The following BIRC6 variants were observed in gnomAD, a reference collection of about 807,000 sequenced individuals.
BIRC6 encodes dual E2 ubiquitin-conjugating enzyme/E3 ubiquitin-protein ligase BIRC6.
Under a neutral mutation model 503.3 loss-of-function variants are expected in BIRC6, and 98 were observed. The observed-to-expected ratio is 0.19, with a 90% CI of 0.17 to 0.23. The LOEUF (loss-of-function observed/expected upper bound fraction) is 0.23, where lower values mean the gene tolerates loss of function less well. Ranked by LOEUF, BIRC6 falls within the 10% of genes least tolerant of loss-of-function variation. BIRC6 has a pLI of 1.00. For missense variants in BIRC6, 5,360 were observed against 5,806.0 expected (o/e 0.92, Z 2.50); for synonymous variants, 2,240 against 2,078.7 (o/e 1.08, Z -2.11).
Position 32,515,464 on chromosome 2 carries a change from C to G in BIRC6, c.11043C>G (p.Asp3681Glu). ...GTAATAAGATGCCTATCACAGCCGA[C>G]CTAGTTGCTCCTATTCTTAGGTTTT... ...QQCNKMPITA[D>E]LVAPILRFLT... The change falls in exon 55 of 74, where the codon GAC becomes GAG. Residue 3681 changes from aspartate (D) to glutamate (E), a missense_variant. By Grantham distance (45) the Asp-to-Glu change is conservative. This residue lies in a region of BIRC6 where 878 missense variants were observed against 928.9 expected (regional missense o/e 0.95). Coordinates refer to ENST00000421745, the MANE Select transcript of BIRC6 (RefSeq NM_016252.4). The G allele has an allele frequency of 6.2e-7, 1 of 1,613,556 alleles. No homozygotes were observed.
At chr2:32,479,142 TTCA>T (rs1443861429) in intron 36 of BIRC6, among the ~76,000 whole-genome samples, 1 of 152,240 alleles carries the variant, frequency 6.6e-6, no homozygotes, top group Non-Finnish European at 1.5e-5. Flanking sequence ...CCTCATTTTC[TTCA>T]TATATAACAT....
At chr2:32,510,949 G>A (rs1182149017) in intron 53 of BIRC6, among the ~76,000 whole-genome samples, 2 of 152,120 alleles carry the variant, frequency 1.3e-5, no homozygotes, top group Admixed American at 6.5e-5. Flanking sequence ...TAAAGTGATG[G>A]TATCAGAGTC....
intron 4 of BIRC6, among the ~76,000 whole-genome samples, chr2:32,390,338 T>G (rs1447768195): frequency 1.3e-5 from 2 of 152,026 alleles, no homozygotes; most frequent in African/African-American, 2.4e-5. Flanking sequence ...GCCCAGCTAA[T>G]TTTTTGTATT....
In BIRC6 at chr2:32,413,483, AATTTTTTG is replaced by A. The variant is rs2042107933; in HGVS notation, c.1478-1285_1478-1278del. On this transcript the variant is annotated intron_variant, in intron 9 of 73. Coordinates refer to ENST00000421745, the MANE Select transcript of BIRC6 (RefSeq NM_016252.4). ...GCATGAGCCATCGCGCCCAGCCTCT[AATTTTTTG>A]TATTTTTAGTAGAGGCGGGGTTTTG... Among the ~76,000 whole-genome samples the A allele has an allele frequency of 4.6e-5, 7 of 151,762 alleles. No individual in the cohort carries two copies. In the South Asian group the frequency reaches 1.5e-3, roughly 32 times the overall value.
At chr2:32,592,642 C>G (rs2061455154) in intron 66 of BIRC6, among the ~76,000 whole-genome samples, 1 of 151,394 alleles carries the variant, frequency 6.6e-6, no homozygotes, top group African/African-American at 2.4e-5. Flanking sequence ...GTTGCCCAGG[C>G]TGGAGTGTAA....
At chr2:32,583,726 G>T (rs367778392) in intron 66 of BIRC6, among the ~76,000 whole-genome samples, 2 of 152,062 alleles carry the variant, frequency 1.3e-5, no homozygotes, top group South Asian at 2.1e-4. Flanking sequence ...ATGCTAAAAC[G>T]TATTGTAATT....
Position 32,454,510 on chromosome 2 carries a change from G to A in BIRC6, c.4753+568G>A, listed in dbSNP as rs536146708. On this transcript the variant is annotated intron_variant, in intron 23 of 73. Transcript: ENST00000421745. ...TTTTTCCTTCTCACGTAGGAAGATC[G>A]GTATTTATTTACAGTTACTTCTATT... Among the ~76,000 whole-genome samples, 8 of 151,454 alleles carry A rather than the reference G, an allele frequency of 5.3e-5. No individual in the cohort carries two copies. In the East Asian group the frequency reaches 1.4e-3, roughly 26 times the overall value.
In BIRC6 at chr2:32,435,240, C is replaced by T. The variant is rs142989836; in HGVS notation, c.3410-256C>T. Among the ~76,000 whole-genome samples, 568 of 152,158 alleles carry T rather than the reference C, an allele frequency of 3.7e-3. 4 individuals carry two copies. Among genetic ancestry groups the T allele is most frequent in the Middle Eastern group, 0.017 (5 of 292 alleles). On this transcript the variant is annotated intron_variant, in intron 13 of 73. Coordinates refer to ENST00000421745, the MANE Select transcript of BIRC6 (RefSeq NM_016252.4). ...AGGGTAAGAACTTTTAGTTTAGTTG[C>T]CAGCAGATTGTTTCTTTAGGCAAAT... is the stretch of plus-strand genomic sequence containing the variant.
At chr2:32,594,126 A>T in intron 67 of BIRC6, 66 bp downstream of exon 67, 2 of 1,500,402 alleles carry the variant, frequency 1.3e-6, no homozygotes, top group East Asian at 2.3e-5. Context: ...ACTTACTGAA[A>T]CCTGCCTTTG....
intron 33 of BIRC6, 61 bp from the exon 34 acceptor site, chr2:32,476,152 T>C: frequency 2.3e-6 from 3 of 1,281,358 alleles, no homozygotes; most frequent in African/African-American, 1.5e-5. Flanking sequence ...CTGTGAGGAG[T>C]ATAATAATTT....
At chr2:32,593,395 A>G (rs1394118536) in intron 66 of BIRC6, among the ~76,000 whole-genome samples, 1 of 152,192 alleles carries the variant, frequency 6.6e-6, no homozygotes, top group Admixed American at 6.5e-5. Context: ...ATAACAGAAT[A>G]ATATCTTTAA....
chr2:32,397,437 A>G (rs1331303704), intron 6 of BIRC6, among the ~76,000 whole-genome samples: 1 of 151,366 alleles, frequency 6.6e-6, no homozygotes, highest in African/African-American at 2.4e-5. Flanking sequence ...GTACCATTGC[A>G]CTCAAGCTTG....
rs764232453 is a variant in BIRC6 at position 32,510,608 on chromosome 2, A to G, written c.10320A>G (p.Thr3440=). 1 of 1,605,002 alleles carries G rather than the reference A, an allele frequency of 6.2e-7. No individual in the cohort carries two copies. Among genetic ancestry groups the G allele is most frequent in the Non-Finnish European group, 8.5e-7 (1 of 1,171,882 alleles). The change falls in exon 53 of 74, where the codon ACA becomes ACG. Residue 3440 remains threonine, a synonymous_variant. Transcript: ENST00000421745. ...STIDILYQLG[T]TQDPGTKDRI... is the part of the protein sequence containing the mutation. Reference sequence around the variant, plus strand: ...TAGATATTCTTTACCAGCTTGGAACAACTCAGGATCCTGGTACAAAAGACA... The same window carrying G: ...TAGATATTCTTTACCAGCTTGGAACGACTCAGGATCCTGGTACAAAAGACA...
chr2:32,384,266 T>C (rs2038119509), intron 3 of BIRC6, among the ~76,000 whole-genome samples: 2 of 152,242 alleles, frequency 1.3e-5, no homozygotes, highest in Non-Finnish European at 2.9e-5. Flanking sequence ...TCCATAACCT[T>C]TCAGCATGTC....
rs550319110 is a variant in BIRC6, at chr2:32,501,887, A to G, written c.9206A>G (p.Gln3069Arg). ...ATGGCCTGTGGATATATGGGCAGAC[A>G]AGTAAGTTCAAGCCAACAACAGTTG... Reference protein sequence around the residue: ...TYMACGYMGRQGSLATCQLSE... With the variant: ...TYMACGYMGRRGSLATCQLSE... Residue 3069 changes from glutamine to arginine, a missense_variant and splice_region_variant, in exon 47 of 74, where the codon CAA becomes CGA. This residue lies in a region of BIRC6 where 267 missense variants were observed against 287.6 expected (regional missense o/e 0.93). Coordinates refer to ENST00000421745, the MANE Select transcript of BIRC6 (RefSeq NM_016252.4). The G allele has an allele frequency of 9.4e-6, 15 of 1,598,870 alleles. No homozygotes were observed. The South Asian group carries it at 1.7e-4, about 18-fold the overall frequency.
chr2:32,487,648 A>G lies in BIRC6; in HGVS notation c.7815A>G (p.Leu2605=), dbSNP rs1405631469. 1.2e-6 allele frequency: 2 copies of G among 1,613,100 alleles called. No individual in the cohort carries two copies. The highest frequency in any genetic ancestry group is 1.7e-5 in the Admixed American group (1 of 59,920). Residue 2605 remains leucine, a splice_region_variant and synonymous_variant, in exon 41 of 74, where the codon TTA becomes TTG. Transcript: ENST00000421745. ...LQALTNTSPT[L]SQSPTGTDDS... The stretch of plus-strand genomic sequence containing the variant: ...ATTATACTTGTGTTTAATTTTCAGT[A>G]TCACAGTCTCCCACTGGAACAGATG...
intron 10 of BIRC6, among the ~76,000 whole-genome samples, chr2:32,426,907 G>A (rs1335577869): frequency 6.6e-6 from 1 of 152,168 alleles, no homozygotes; most frequent in Non-Finnish European, 1.5e-5. Context: ...ATGCTACATA[G>A]AGAATCTGTT....
chr2:32,448,457 C>G (rs1256889493), intron 21 of BIRC6, among the ~76,000 whole-genome samples: 2 of 151,656 alleles, frequency 1.3e-5, no homozygotes, highest in Non-Finnish European at 2.9e-5. Flanking sequence ...GAGACCAGCC[C>G]GGCCAACACA....
intron 61 of BIRC6, among the ~76,000 whole-genome samples, chr2:32,536,736 G>A (rs1158438326): frequency 6.6e-6 from 1 of 152,166 alleles, no homozygotes; most frequent in Non-Finnish European, 1.5e-5. Flanking sequence ...AAGTCAGGTA[G>A]CGTGATGTCT....
Sources: gnomAD v4.1 joint callset for allele counts (sites outside exome capture counted in the v4.1 genomes callset) on GRCh38, gnomAD v4.1.1 for gene constraint, gnomAD v4.1.1 regional missense constraint, MANE v1.5 for transcripts, NCBI Gene and HGNC (gene_info 2026-07-23, HGNC 2026-07-21) for gene names.